Variants in ESR1 observed in about 807,000 individuals in gnomAD.
ESR1 encodes the protein estrogen receptor.
A neutral mutation model predicts 52.7 loss-of-function variants in ESR1; 12 were observed. That is an observed-to-expected ratio of 0.23 (90% CI 0.15 to 0.37). The LOEUF (loss-of-function observed/expected upper bound fraction) is 0.37, where lower values mean the gene tolerates loss of function less well. ESR1 is among the 10% of genes least tolerant of loss of function. ESR1 has a pLI of 1.00. For missense variants in ESR1, 584 were observed against 779.7 expected (o/e 0.75, Z 2.99); for synonymous variants, 305 against 316.8 (o/e 0.96, Z 0.39).
In ESR1 at chr6:151,944,484, A is replaced by G. The variant is rs2035470527; in HGVS notation, c.1072A>G (p.Ile358Val). 9.3e-6 allele frequency: 15 copies of G among 1,614,218 alleles called. No homozygotes were observed. The highest frequency in any genetic ancestry group is 1.3e-5 in the Non-Finnish European group (15 of 1,180,038). The change falls in exon 4 of 8, where the codon ATC becomes GTC. Residue 358 changes from isoleucine to valine, a missense_variant. Ile to Val is a conservative substitution (Grantham distance 29). This residue lies in a region of ESR1 where 141 missense variants were observed against 289.3 expected (regional missense o/e 0.49). Transcript: ENST00000206249. ...NLADRELVHM[I>V]NWAKRVPGFV... ...GGCAGACAGGGAGCTGGTTCACATG[A>G]TCAACTGGGCGAAGAGGGTGCCAGG...
chr6:151,806,543 T>TATATACACATATATATATATACAC (rs1562422133), upstream of ESR1, among the ~76,000 whole-genome samples: 7 of 141,948 alleles, frequency 4.9e-5, no homozygotes, highest in Non-Finnish European at 1.1e-4. Flanking sequence ...TATATATATA[T>TATATACACATATATATATATACAC]ATATATATAT....
intron 1 of ESR1, among the ~76,000 whole-genome samples, chr6:151,665,130 TG>T (rs1344532074): frequency 6.6e-6 from 1 of 151,948 alleles, no homozygotes; most frequent in African/African-American, 2.4e-5. Flanking sequence ...GTGTGGAGGG[TG>T]GTTTAGGATT....
exon 7 of ESR1, chr6:152,125,364 G>T (rs1292472658): frequency 6.5e-7 from 1 of 1,549,306 alleles, no homozygotes; most frequent in South Asian, 1.2e-5. Flanking sequence ...CTGGTCATAA[G>T]GCCTCACAGT....
Position 152,046,458 on chromosome 6 carries a change from A to C in ESR1, c.1236-14533A>C, listed in dbSNP as rs1348093805. Among the ~76,000 whole-genome samples, 6 of 152,354 alleles carry C rather than the reference A, an allele frequency of 3.9e-5. No homozygotes were observed. In the East Asian group the frequency reaches 1.2e-3, roughly 29 times the overall value. On this transcript the variant is annotated intron_variant, in intron 5 of 7. Coordinates refer to ENST00000206249, the MANE Select transcript of ESR1 (RefSeq NM_000125.4). ...AGTGCACTTCCAAATCAGTACTTATATGCAAGAGCTTCAAGAAACAAACTA... is the reference window on the plus strand; with the variant it reads ...AGTGCACTTCCAAATCAGTACTTATCTGCAAGAGCTTCAAGAAACAAACTA...
intron 2 of ESR1, among the ~76,000 whole-genome samples, chr6:151,793,170 C>CA (rs374347435): frequency 0.086 from 9,413 of 109,086 alleles, 363 homozygotes; most frequent in Middle Eastern, 0.17. Context: ...GACTCTATCT[C>CA]AAAAAAAAAA....
intron 1 of ESR1, among the ~76,000 whole-genome samples, chr6:151,824,187 C>G (rs1434157567): frequency 6.6e-6 from 1 of 152,130 alleles, no homozygotes; most frequent in Non-Finnish European, 1.5e-5. Context: ...GATGATATCT[C>G]ATTGTGGTTT....
rs544703243 is a variant in ESR1 at position 152,113,807 on chromosome 6, T to C, written c.851-11459T>C. Among the ~76,000 whole-genome samples, 3 of 152,194 alleles carry C rather than the reference T, an allele frequency of 2.0e-5. No homozygotes were observed. The South Asian group carries it at 6.2e-4, about 32-fold the overall frequency. ...CCTATACATTAATGTATTAACGTCA[T>C]AACAACCCACGCAGGAGGCACCATT... On this transcript the variant is annotated intron_variant, in intron 6 of 6. Coordinates refer to the ESR1 transcript ENST00000427531.
intron 6 of ESR1, among the ~76,000 whole-genome samples, chr6:152,123,212 A>G (rs2052036018): frequency 6.6e-6 from 1 of 152,232 alleles, no homozygotes; most frequent in Non-Finnish European, 1.5e-5. Context: ...TTCATTAATC[A>G]TAGAGCATAC....
chr6:151,850,059 AT>A, intron 2 of ESR1, among the ~76,000 whole-genome samples: 1 of 113,656 alleles, frequency 8.8e-6, no homozygotes, highest in East Asian at 2.7e-4. Flanking sequence ...TATATATATA[AT>A]TTTATATATA....
intron 2 of ESR1, among the ~76,000 whole-genome samples, chr6:151,760,281 C>T (rs529957678): frequency 4.9e-4 from 74 of 152,302 alleles, no homozygotes; most frequent in Non-Finnish European, 8.5e-4. Flanking sequence ...AGAGGTAGAA[C>T]TCATTGCCTT....
chr6:151,846,194 G>A (rs906814257), intron 2 of ESR1, among the ~76,000 whole-genome samples: 3 of 152,158 alleles, frequency 2.0e-5, no homozygotes, highest in East Asian at 1.9e-4. Flanking sequence ...GGCAGAGCGC[G>A]GGGAATTCTA....
At chr6:152,055,816 T>C (rs1222794770) in intron 5 of ESR1, among the ~76,000 whole-genome samples, 1 of 152,354 alleles carries the variant, frequency 6.6e-6, no homozygotes, top group African/African-American at 2.4e-5. Context: ...GCTCCCTAGC[T>C]TGCTATGTTT....
At chr6:152,075,427 C>T (rs1343168141) in intron 6 of ESR1, among the ~76,000 whole-genome samples, 3 of 152,070 alleles carry the variant, frequency 2.0e-5, no homozygotes, top group Non-Finnish European at 2.9e-5. Flanking sequence ...ATGAGATAAA[C>T]CTGTTATAAA....
chr6:151,880,816 C>T (rs768208031), intron 3 of ESR1, 45 bp downstream of exon 3: 1 of 963,642 alleles, frequency 1.0e-6, no homozygotes, highest in African/African-American at 1.6e-5. Flanking sequence ...GCCCTGGCCA[C>T]CGCCCAGTGC....
chr6:152,094,709 T>C lies in ESR1; in HGVS notation c.1553+141T>C. On this transcript the variant is annotated intron_variant, in intron 7 of 7. Transcript: ENST00000206249. The surrounding 1 kb of genome is among the most constrained non-coding windows in gnomAD (Gnocchi z 4.6). ...GTTCCTGGCATAGAATAAGCATAAA[T>C]GCTATAGGAGGACAGAAGAGAGAGG... The C allele has an allele frequency of 2.5e-6, 2 of 791,462 alleles. No individual in the cohort carries two copies. Among genetic ancestry groups the C allele is most frequent in the Non-Finnish European group, 4.2e-6 (2 of 474,630 alleles). 49.0% of individuals were successfully genotyped at this position (791,462 alleles called of 1,614,324 possible).
At chr6:151,901,607 G>A (rs1245024353) in intron 3 of ESR1, among the ~76,000 whole-genome samples, 1 of 152,208 alleles carries the variant, frequency 6.6e-6, no homozygotes, top group African/African-American at 2.4e-5. Context: ...AGCCCACAGG[G>A]CTTTTCCCCT....
chr6:152,121,264 G>A (rs544661081), intron 6 of ESR1, among the ~76,000 whole-genome samples: 5 of 152,244 alleles, frequency 3.3e-5, no homozygotes, highest in South Asian at 2.1e-4. Flanking sequence ...TATTTTATCC[G>A]GTAGACAATG....
intron 2 of ESR1, among the ~76,000 whole-genome samples, chr6:151,795,442 C>T (rs927280605): frequency 1.0e-4 from 15 of 146,766 alleles, no homozygotes; most frequent in Admixed American, 4.9e-4. Context: ...GAGCTGAAAT[C>T]GCACCACTGC....
At chr6:151,665,940 A>G (rs1235005820) in intron 1 of ESR1, among the ~76,000 whole-genome samples, 1 of 152,166 alleles carries the variant, frequency 6.6e-6, no homozygotes, top group Non-Finnish European at 1.5e-5. Flanking sequence ...TCCTCGTATC[A>G]CTTAAAAATT....
Sources: allele counts gnomAD v4.1 joint callset (sites outside exome capture counted in the v4.1 genomes callset), GRCh38; gene constraint gnomAD v4.1.1; regional missense constraint gnomAD v4.1.1; non-coding constraint Gnocchi (gnomAD v3.1); transcripts MANE v1.5; gene names NCBI Gene and HGNC (gene_info 2026-07-23, HGNC 2026-07-21).